The following DISP3 variants were observed in gnomAD, a reference collection of about 807,000 sequenced individuals.
The protein encoded by DISP3 is protein dispatched homolog 3.
A neutral mutation model predicts 135.3 loss-of-function variants in DISP3; 101 were observed. That is an observed-to-expected ratio of 0.75 (90% CI 0.64 to 0.88). The LOEUF (loss-of-function observed/expected upper bound fraction) is 0.88. DISP3 is among the 40% of genes least tolerant of loss of function. DISP3 has a pLI of 0.00. For missense variants in DISP3, 1,713 were observed against 1,878.6 expected (o/e 0.91, Z 1.63); for synonymous variants, 856 against 817.0 (o/e 1.05, Z -0.81).
chr1:11,519,308 G>A lies in DISP3; in HGVS notation c.1890-47G>A. 1.3e-6 allele frequency: 2 copies of A among 1,587,692 alleles called. No individual in the cohort carries two copies. Among genetic ancestry groups the A allele is most frequent in the South Asian group, 2.2e-5 (2 of 88,974 alleles). ...CAGGGCCCTGCCCCACCCTCCCTGG[G>A]TACCCAGGACCCTCTGGTTCACCCC... is the stretch of plus-strand genomic sequence containing the variant. On this transcript the variant is annotated intron_variant, in intron 7 of 20. Coordinates refer to ENST00000294484, the MANE Select transcript of DISP3 (RefSeq NM_020780.2). The surrounding 1 kb of genome is among the most constrained non-coding windows in gnomAD (Gnocchi z 4.3).
rs1262246434 is a variant in DISP3, at chr1:11,520,920, T to G, written c.2362+72T>G. ...TCCCAAAGACTGTTGGTCTGAGAGA[T>G]GCAGGATCCAGGGTCCCCATCAATG... On this transcript the variant is annotated intron_variant, in intron 10 of 20. Transcript: ENST00000294484. The surrounding 1 kb of genome is among the most constrained non-coding windows in gnomAD (Gnocchi z 4.8). 9 of 1,477,458 alleles carry G rather than the reference T, an allele frequency of 6.1e-6. No homozygotes were observed. Among genetic ancestry groups the G allele is most frequent in the Non-Finnish European group, 8.2e-6 (9 of 1,099,818 alleles). 91.5% of individuals were successfully genotyped at this position (1,477,458 alleles called of 1,614,324 possible). A position where few individuals can be genotyped will look rare whatever the true frequency, so the allele number is the denominator to read the frequency against.
chr1:11,517,361 C>A (rs1307153594), intron 6 of DISP3, 102 bp from the exon 7 acceptor site: 3 of 1,489,494 alleles, frequency 2.0e-6, no homozygotes, highest in Non-Finnish European at 1.9e-6. Context: ...TCAGTCTGGG[C>A]CAGATCTGGG....
chr1:11,525,749 G>C (rs1642397359), intron 12 of DISP3, among the ~76,000 whole-genome samples: 1 of 152,170 alleles, frequency 6.6e-6, no homozygotes, highest in African/African-American at 2.4e-5. Flanking sequence ...CTGCAGAAAG[G>C]AGTCCCCGAG....
At position 11,491,965 on chromosome 1, in the gene DISP3, AC is replaced by A. The variant is rs1641196355; in HGVS notation, c.-3-9024del. ...GTGAAACCCCGTCTCTACTAAAAATACAAAAAATTAGCCGGGCGTAGTGGCG... is the reference window on the plus strand; with the variant it reads ...GTGAAACCCCGTCTCTACTAAAAATAAAAAAATTAGCCGGGCGTAGTGGCG... On this transcript the variant is annotated intron_variant, in intron 1 of 20. Transcript: ENST00000294484. This position sits in a 1 kb window ranked among gnomAD's most constrained non-coding sequence, Gnocchi z 4.3. Among the ~76,000 whole-genome samples the A allele has an allele frequency of 4.0e-5, 6 of 150,920 alleles. No individual in the cohort carries two copies. The highest frequency in any genetic ancestry group is 4.0e-4 in the Admixed American group (6 of 15,148).
intron 1 of DISP3, among the ~76,000 whole-genome samples, chr1:11,496,246 C>T (rs1021183248): frequency 5.9e-5 from 9 of 152,246 alleles, no homozygotes; most frequent in East Asian, 1.9e-4. Flanking sequence ...GCAGCTGCCT[C>T]GGTTGCCTTT....
At chr1:11,530,839 G>T (rs992320337) in intron 15 of DISP3, 68 bp from the exon 16 acceptor site, 24 of 1,591,502 alleles carry the variant, frequency 1.5e-5, no homozygotes, top group African/African-American at 4.0e-5. Context: ...AGGGTTGGGG[G>T]TGAGCACCCA....
intron 1 of DISP3, among the ~76,000 whole-genome samples, chr1:11,489,909 C>A (rs1641136230): frequency 6.6e-6 from 1 of 152,210 alleles, no homozygotes; most frequent in Non-Finnish European, 1.5e-5. Context: ...ATGAAAAGGG[C>A]CCTGAGCTCA....
In DISP3 at chr1:11,535,134, C is replaced by T. The variant is rs370882867; in HGVS notation, c.3649+10C>T. Reference sequence around the variant, plus strand: ...CTCCTCAGCATCTTGGGTACGTGGGCGAGGGGCTGGCAGGCACCCTGCTGG... The same window carrying T: ...CTCCTCAGCATCTTGGGTACGTGGGTGAGGGGCTGGCAGGCACCCTGCTGG... On this transcript the variant is annotated intron_variant, in intron 19 of 20. Coordinates refer to ENST00000294484, the MANE Select transcript of DISP3 (RefSeq NM_020780.2). The T allele has an allele frequency of 1.7e-5, 27 of 1,591,022 alleles. No homozygotes were observed. The highest frequency in any genetic ancestry group is 1.6e-4 in the African/African-American group (12 of 74,612).
chr1:11,518,410 G>C (rs372803606), intron 7 of DISP3, among the ~76,000 whole-genome samples: 1 of 152,234 alleles, frequency 6.6e-6, no homozygotes, highest in South Asian at 2.1e-4. Flanking sequence ...GGTGGTGCAG[G>C]TTGGCACTGC....
At chr1:11,523,873 C>A in intron 10 of DISP3, 69 bp from the exon 11 acceptor site, 1 of 1,311,700 alleles carries the variant, frequency 7.6e-7, no homozygotes, top group Non-Finnish European at 1.1e-6. Context: ...AGCCTCTTCC[C>A]TCTGCCCATC....
chr1:11,526,599 C>T lies in DISP3; in HGVS notation c.2614-52C>T, dbSNP rs539782255. ...GACGGAGCCTGAGGCTGGCCCAGGC[C>T]GAGGCAGCCCCCCCGAGTCATGTGT... On this transcript the variant is annotated intron_variant, in intron 12 of 20. Coordinates refer to ENST00000294484, the MANE Select transcript of DISP3 (RefSeq NM_020780.2). The T allele has an allele frequency of 1.7e-5, 27 of 1,575,664 alleles. No individual in the cohort carries two copies. In the South Asian group the frequency reaches 1.8e-4, roughly 10 times the overall value.
chr1:11,522,541 G>GCCCAGCCAGGACCCAGCCAAGA (rs1642228821), intron 10 of DISP3, among the ~76,000 whole-genome samples: 1 of 147,760 alleles, frequency 6.8e-6, no homozygotes, highest in African/African-American at 2.5e-5. Context: ...CCCAGCCAGA[G>GCCCAGCCAGGACCCAGCCAAGA]CCCAGCCAGG....
rs762777182 is a variant in DISP3, at chr1:11,531,684, C to G, written c.3349C>G (p.Gln1117Glu). Residue 1117 changes from glutamine (Q) to glutamate (E), a missense_variant, in exon 17 of 21, where the codon CAG becomes GAG. Around this residue, in one of 2 missense-constraint regions of DISP3, gnomAD observed 1,142 missense variants for 1,384.6 expected, o/e 0.82. Transcript: ENST00000294484. This position sits in a 1 kb window ranked among gnomAD's most constrained non-coding sequence, Gnocchi z 5.2. ...AGTGGGCGTCAGGGAGGGCCGCGTG[C>G]AGTGGATCTCCATGGCTTTCGAGTC... ...GAVGVREGRV[Q>E]WISMAFESTT... The G allele has an allele frequency of 1.4e-5, 23 of 1,609,272 alleles. No homozygotes were observed. The highest frequency in any genetic ancestry group is 1.7e-5 in the Non-Finnish European group (20 of 1,177,714).
chr1:11,533,104 C>G (rs1373328747), intron 17 of DISP3, among the ~76,000 whole-genome samples: 2 of 152,060 alleles, frequency 1.3e-5, no homozygotes, highest in African/African-American at 4.8e-5. Context: ...TCTTTCCAAA[C>G]TGAAGCTCTG....
intron 1 of DISP3, among the ~76,000 whole-genome samples, chr1:11,488,964 G>A (rs751357428): frequency 1.3e-5 from 2 of 152,188 alleles, no homozygotes; most frequent in Non-Finnish European, 2.9e-5. Flanking sequence ...CCTCCCCCGC[G>A]ATGAGAGGAT....
Position 11,520,854 on chromosome 1 carries a change from G to A in DISP3, c.2362+6G>A, listed in dbSNP as rs549857349. 1.3e-6 allele frequency: 2 copies of A among 1,591,752 alleles called. No homozygotes were observed. Among genetic ancestry groups the A allele is most frequent in the East Asian group, 2.3e-5 (1 of 43,804 alleles). ...CTCCTGCATCACCTGTTCAGGTGAGGCTTCTAGCCAGGCTGTCCCTGGCCC... is the reference window on the plus strand; with the variant it reads ...CTCCTGCATCACCTGTTCAGGTGAGACTTCTAGCCAGGCTGTCCCTGGCCC... On this transcript the variant is annotated splice_donor_region_variant and intron_variant, in intron 10 of 20. Coordinates refer to ENST00000294484, the MANE Select transcript of DISP3 (RefSeq NM_020780.2). This position sits in a 1 kb window ranked among gnomAD's most constrained non-coding sequence, Gnocchi z 4.8.
rs745648819 is a variant in DISP3, at chr1:11,502,058, G to A, written c.1066G>A (p.Gly356Ser). The change falls in exon 2 of 21, where the codon GGC (glycine) becomes AGC (serine). Residue 356 changes from glycine (G) to serine (S), a missense_variant. Gly to Ser is a moderately conservative substitution (Grantham distance 56, BLOSUM62 0). Around this residue, in one of 2 missense-constraint regions of DISP3, gnomAD observed 571 missense variants for 494.1 expected, o/e 1.16. Transcript: ENST00000294484. ...GAGGGGCGGCAAGATCTACTATGAC[G>A]GCATGGGCCAGGACCTGGCGGACAT... Reference protein sequence around the residue: ...TERGGKIYYDGMGQDLADIRG... With the variant: ...TERGGKIYYDSMGQDLADIRG... The A allele has an allele frequency of 6.3e-7, 1 of 1,589,188 alleles. No homozygotes were observed.
intron 1 of DISP3, among the ~76,000 whole-genome samples, chr1:11,493,489 C>T (rs537951294): frequency 2.6e-5 from 4 of 152,272 alleles, no homozygotes; most frequent in Admixed American, 2.0e-4. Context: ...CTTTGGGAGG[C>T]GGAGGTGGGC....
chr1:11,522,953 A>AGGACCCAGCCGGAGCCCAG (rs1557615821), intron 10 of DISP3, among the ~76,000 whole-genome samples: 1 of 83,122 alleles, frequency 1.2e-5, no homozygotes, highest in African/African-American at 4.5e-5. Flanking sequence ...CCAGAGCCCA[A>AGGACCCAGCCGGAGCCCAG]CCAGGACCCA....
Sources: gnomAD v4.1 joint callset for allele counts (sites outside exome capture counted in the v4.1 genomes callset) on GRCh38, gnomAD v4.1.1 for gene constraint, gnomAD v4.1.1 regional missense constraint, Gnocchi (gnomAD v3.1) non-coding constraint, MANE v1.5 for transcripts, NCBI Gene and HGNC (gene_info 2026-07-23, HGNC 2026-07-21) for gene names.